Variants in TANC1 observed in about 807,000 individuals in gnomAD.
The protein encoded by TANC1 is tetratricopeptide repeat, ankyrin repeat and coiled-coil containing 1.
Under a neutral mutation model 149.7 loss-of-function variants are expected in TANC1, and 77 were observed. The ratio of observed to expected loss-of-function variants is 0.51; its 90% CI spans 0.43 to 0.62. The LOEUF is 0.62. Among genes scored for constraint, TANC1 ranks in the 20% least tolerant of loss-of-function variants. The pLI is 0.00. For synonymous variants in TANC1, 854 were observed against 925.0 expected (o/e 0.92, Z 1.39); for missense variants, 1,985 against 2,321.8 (o/e 0.85, Z 2.98).
intron 5 of TANC1, among the ~76,000 whole-genome samples, chr2:159,144,422 C>T (rs1386051148): frequency 1.3e-5 from 2 of 152,198 alleles, no homozygotes; most frequent in Non-Finnish European, 1.5e-5. Flanking sequence ...GTCTCTCAGG[C>T]TGGAGTACAG....
At chr2:159,021,356 C>T (rs1031029913) in intron 2 of TANC1, among the ~76,000 whole-genome samples, 1 of 152,132 alleles carries the variant, frequency 6.6e-6, no homozygotes, top group African/African-American at 2.4e-5. Context: ...TTGTATCCTT[C>T]TCTCATTCAA....
intron 14 of TANC1, among the ~76,000 whole-genome samples, chr2:159,181,416 C>G (rs374729393): frequency 1.2e-4 from 18 of 152,200 alleles, no homozygotes; most frequent in East Asian, 1.2e-3. Flanking sequence ...CCTGCCTCAG[C>G]CTTCCCACGT....
rs550978527 is a variant in TANC1 at position 159,081,680 on chromosome 2, C to CT, written c.61+15717dup. Among the ~76,000 whole-genome samples, 16 of 152,046 alleles carry CT rather than the reference C, an allele frequency of 1.1e-4. 1 individual carries two copies. Among genetic ancestry groups the CT allele is most frequent in the African/African-American group, 1.7e-4 (7 of 41,504 alleles). On this transcript the variant is annotated intron_variant, in intron 3 of 26. Coordinates refer to ENST00000263635, the MANE Select transcript of TANC1 (RefSeq NM_033394.3). ...AGTTGTCTGTAACTTTGCTTATATG[C>CT]TTTTTTTTCCTTTTGTATTTTAAAG...
chr2:158,977,913 C>G (rs1485263980), intron 1 of TANC1, among the ~76,000 whole-genome samples: 1 of 152,110 alleles, frequency 6.6e-6, no homozygotes, highest in African/African-American at 2.4e-5. Context: ...ACCCTACCAC[C>G]ACCACTGAAA....
rs2060313816 is a variant in TANC1, at chr2:159,231,086, C to A, written c.*74C>A. 4 of 1,248,916 alleles carry A rather than the reference C, an allele frequency of 3.2e-6. No individual in the cohort carries two copies. The highest frequency in any genetic ancestry group is 2.4e-5 in the East Asian group (1 of 41,298). The allele number at this position is 1,248,916 out of a possible 1,614,324, so 77.4% of individuals were successfully genotyped here. On this transcript the variant is annotated 3_prime_UTR_variant, in exon 27 of 27. Coordinates refer to ENST00000263635, the MANE Select transcript of TANC1 (RefSeq NM_033394.3). Reference sequence around the variant, plus strand: ...TGGTGGTAAATTAAATAGTTTTTTTCATCAGAAAAATTATTTTTTAGCCAT... The same window carrying A: ...TGGTGGTAAATTAAATAGTTTTTTTAATCAGAAAAATTATTTTTTAGCCAT...
At position 159,228,882 on chromosome 2, in the gene TANC1, G is replaced by A. The variant is rs752280824; in HGVS notation, c.4137G>A (p.Ala1379=). ...AAGCCTTTTATGCCAGAGCAAGAGC[G>A]AAGAGAAATAGCAGGTACCGTCTGT... ...SYEAFYARAR[A]KRNSRQFVAA... The change falls in exon 26 of 27, where the codon GCG becomes GCA. Residue 1379 remains alanine (A), a synonymous_variant. Transcript: ENST00000263635. 4.3e-6 allele frequency: 7 copies of A among 1,613,570 alleles called. No individual in the cohort carries two copies. The highest frequency in any genetic ancestry group is 2.2e-5 in the East Asian group (1 of 44,896).
At chr2:159,129,936 A>G (rs2049903026) in intron 4 of TANC1, among the ~76,000 whole-genome samples, 1 of 152,168 alleles carries the variant, frequency 6.6e-6, no homozygotes, top group South Asian at 2.1e-4. Flanking sequence ...CGTGCTACCA[A>G]AGTGTCATCT....
intron 1 of TANC1, among the ~76,000 whole-genome samples, chr2:158,991,812 G>A (rs1397601961): frequency 6.6e-6 from 1 of 152,054 alleles, no homozygotes; most frequent in Admixed American, 6.6e-5. Context: ...CAGGTGAGCT[G>A]GAAACCAAGT....
intron 2 of TANC1, among the ~76,000 whole-genome samples, chr2:159,046,357 A>G (rs1021776255): frequency 6.6e-6 from 1 of 152,078 alleles, no homozygotes; most frequent in Admixed American, 6.5e-5. Context: ...TTTGAAGTTA[A>G]AGAATTTTAC....
rs746790246 is a variant in TANC1, at chr2:159,136,296, A to C, written c.362A>C (p.His121Pro). ...EVAKPTEPDE[H>P]EAKADNEPSC... is the part of the protein sequence containing the mutation. The stretch of plus-strand genomic sequence containing the variant: ...GCCAAGCCAACAGAGCCTGATGAGC[A>C]TGGTAAGAATTTCAGTGATTTCCTT... Residue 121 changes from histidine to proline, a missense_variant and splice_region_variant, in exon 5 of 27, where the codon CAT becomes CCT. By Grantham distance (77) the His-to-Pro change is moderately conservative. This residue lies in a region of TANC1 where 557 missense variants were observed against 612.9 expected (regional missense o/e 0.91). Transcript: ENST00000263635. The C allele has an allele frequency of 1.3e-6, 2 of 1,563,804 alleles. No individual in the cohort carries two copies. Among genetic ancestry groups the C allele is most frequent in the African/African-American group, 1.4e-5 (1 of 74,006 alleles).
chr2:159,083,106 A>G (rs895261603), intron 3 of TANC1, among the ~76,000 whole-genome samples: 2 of 151,972 alleles, frequency 1.3e-5, no homozygotes, highest in Non-Finnish European at 2.9e-5. Flanking sequence ...CCATATGTCC[A>G]GCTAATTTTT....
intron 4 of TANC1, among the ~76,000 whole-genome samples, chr2:159,120,855 C>A (rs2048778723): frequency 6.6e-6 from 1 of 152,170 alleles, no homozygotes; most frequent in South Asian, 2.1e-4. Flanking sequence ...CCTGCCTCTG[C>A]CTCCCAAAGT....
chr2:159,057,463 C>T (rs1011153155), intron 2 of TANC1, among the ~76,000 whole-genome samples: 12 of 152,176 alleles, frequency 7.9e-5, no homozygotes, highest in Non-Finnish European at 1.8e-4. Flanking sequence ...CAATTGCTAA[C>T]CCAACACTCA....
chr2:159,193,844 A>T (rs28392763), intron 16 of TANC1, among the ~76,000 whole-genome samples: 4,001 of 147,772 alleles, frequency 0.027, 81 homozygotes, highest in East Asian at 0.061. Context: ...TTAATTAAAA[A>T]TTTTTTTTTT....
intron 1 of TANC1, among the ~76,000 whole-genome samples, chr2:158,989,112 C>T (rs954636561): frequency 2.0e-5 from 3 of 152,164 alleles, no homozygotes; most frequent in Non-Finnish European, 4.4e-5. Context: ...GCTGCTGAGA[C>T]TGCACGTCTA....
At chr2:159,186,801 C>A in intron 15 of TANC1, 101 bp from the exon 16 acceptor site, 2 of 1,500,404 alleles carry the variant, frequency 1.3e-6, no homozygotes, top group Non-Finnish European at 1.8e-6. Context: ...TCTGCACCCT[C>A]TGCGGCAGAC....
intron 4 of TANC1, among the ~76,000 whole-genome samples, chr2:159,111,088 G>A (rs2047674320): frequency 6.6e-6 from 1 of 152,246 alleles, no homozygotes; most frequent in Non-Finnish European, 1.5e-5. Flanking sequence ...CTTAGAACTG[G>A]TGATGTGAGT....
intron 22 of TANC1, among the ~76,000 whole-genome samples, chr2:159,222,709 A>C (rs546679505): frequency 6.6e-6 from 1 of 152,318 alleles, no homozygotes; most frequent in East Asian, 1.9e-4. Context: ...TGGGTGTCCA[A>C]GTATTTATTC....
At chr2:159,090,039 T>C (rs2045360874) in intron 3 of TANC1, among the ~76,000 whole-genome samples, 1 of 152,150 alleles carries the variant, frequency 6.6e-6, no homozygotes, top group South Asian at 2.1e-4. Context: ...AATGTGCACA[T>C]AGGAAAAAAT....
Sources: allele counts gnomAD v4.1 joint callset (sites outside exome capture counted in the v4.1 genomes callset), GRCh38; gene constraint gnomAD v4.1.1; regional missense constraint gnomAD v4.1.1; transcripts MANE v1.5; gene names NCBI Gene and HGNC (gene_info 2026-07-23, HGNC 2026-07-21).